The following CAMK4 variants were observed in gnomAD, a reference collection of about 807,000 sequenced individuals.
CAMK4 encodes the protein calcium/calmodulin-dependent protein kinase type IV.
CAMK4 carries 22 observed loss-of-function variants against 44.9 expected under a neutral mutation model. The observed-to-expected ratio is 0.49, with a 90% CI of 0.35 to 0.70. The LOEUF (loss-of-function observed/expected upper bound fraction) is 0.70. Ranked by LOEUF, CAMK4 falls within the 30% of genes least tolerant of loss-of-function variation. The pLI is 0.01. For missense variants in CAMK4, 498 were observed against 586.8 expected (o/e 0.85, Z 1.56); for synonymous variants, 218 against 215.4 (o/e 1.01, Z -0.11).
chr5:111,345,016 T>C (rs1239002106), intron 2 of CAMK4, among the ~76,000 whole-genome samples: 1 of 151,904 alleles, frequency 6.6e-6, no homozygotes, highest in Non-Finnish European at 1.5e-5. Flanking sequence ...TAAAGTATGC[T>C]GAGAAGTATC....
chr5:111,226,724 C>T lies in CAMK4; in HGVS notation c.161+2080C>T, dbSNP rs562070614. Among the ~76,000 whole-genome samples the T allele has an allele frequency of 3.2e-4, 48 of 152,314 alleles. 1 individual carries two copies. The highest frequency in any genetic ancestry group is 1.1e-3 in the African/African-American group (47 of 41,556). ...GACAACAGAGAACACTCTAGAGTTC[C>T]GGTTGTTTACCCTCCTGTGGTTAAC... is the stretch of plus-strand genomic sequence containing the variant. On this transcript the variant is annotated intron_variant, in intron 1 of 10. Coordinates refer to ENST00000282356, the MANE Select transcript of CAMK4 (RefSeq NM_001744.6).
intron 1 of CAMK4, among the ~76,000 whole-genome samples, chr5:111,235,729 A>G (rs544994836): frequency 1.3e-5 from 2 of 152,338 alleles, no homozygotes; most frequent in South Asian, 4.1e-4. Context: ...GGACTGAGCT[A>G]AGGGCTGTTG....
intron 5 of CAMK4, 57 bp downstream of exon 5, chr5:111,394,839 A>G: frequency 9.3e-7 from 1 of 1,078,744 alleles, no homozygotes; most frequent in Admixed American, 1.8e-5. Flanking sequence ...CTTTTACAGA[A>G]TCATCATTTA....
intron 1 of CAMK4, among the ~76,000 whole-genome samples, chr5:111,316,252 GA>G (rs1748418172): frequency 6.6e-6 from 1 of 152,244 alleles, no homozygotes; most frequent in South Asian, 2.1e-4. Flanking sequence ...GTCCCCTAGG[GA>G]GGATAAAGGA....
intron 8 of CAMK4, among the ~76,000 whole-genome samples, chr5:111,478,000 T>G (rs1234639845): frequency 2.0e-5 from 3 of 152,124 alleles, no homozygotes; most frequent in East Asian, 3.8e-4. Context: ...TGCCTGTCTG[T>G]CTGTCTTCTC....
rs560739913 is a variant in CAMK4, at chr5:111,446,151, G to A, written c.460-535G>A. Among the ~76,000 whole-genome samples, 7 of 152,336 alleles carry A rather than the reference G, an allele frequency of 4.6e-5. No individual in the cohort carries two copies. The South Asian group carries it at 1.4e-3, about 32-fold the overall frequency. ...GTTAGATTTACTAATTCTCAGAAGA[G>A]CCTATGAGTGCATCCATCATTATCA... On this transcript the variant is annotated intron_variant, in intron 5 of 10. Coordinates refer to ENST00000282356, the MANE Select transcript of CAMK4 (RefSeq NM_001744.6).
At chr5:111,420,019 T>C (rs979220394) in intron 5 of CAMK4, among the ~76,000 whole-genome samples, 18 of 152,082 alleles carry the variant, frequency 1.2e-4, no homozygotes, top group African/African-American at 4.3e-4. Flanking sequence ...ATTGAATCTA[T>C]AAATTACCTT....
At chr5:111,232,111 A>G (rs569659777) in intron 1 of CAMK4, among the ~76,000 whole-genome samples, 41 of 152,300 alleles carry the variant, frequency 2.7e-4, no homozygotes, top group African/African-American at 9.6e-4. Context: ...AAGCTTTTCA[A>G]TAATTCTGAC....
At chr5:111,273,173 T>C (rs1750588353) in intron 1 of CAMK4, among the ~76,000 whole-genome samples, 2 of 152,184 alleles carry the variant, frequency 1.3e-5, no homozygotes, top group South Asian at 4.1e-4. Context: ...TGATTTCTCA[T>C]TAATTACTTT....
intron 5 of CAMK4, among the ~76,000 whole-genome samples, chr5:111,418,750 T>C (rs139131083): frequency 0.057 from 8,619 of 152,230 alleles, 315 homozygotes; most frequent in African/African-American, 0.099. Context: ...GTTTCATCCA[T>C]GTCCCTACAA....
intron 1 of CAMK4, among the ~76,000 whole-genome samples, chr5:111,278,727 C>T (rs1204041094): frequency 6.6e-6 from 1 of 152,128 alleles, no homozygotes; most frequent in Non-Finnish European, 1.5e-5. Flanking sequence ...ATTTTCTAAG[C>T]AAGGCTTACC....
rs905391138 is a variant in CAMK4 at position 111,486,571 on chromosome 5, G to A, written c.*2105G>A. ...TTGGAAGAGCAAAGAGAGGGAAGGG[G>A]GTCTTTTTAGAAAGTGGCACTTGGC... On this transcript the variant is annotated 3_prime_UTR_variant, in exon 11 of 11. Coordinates refer to ENST00000282356, the MANE Select transcript of CAMK4 (RefSeq NM_001744.6). The A allele has an allele frequency of 6.6e-6, 1 of 150,944 alleles. No individual in the cohort carries two copies. Among genetic ancestry groups the A allele is most frequent in the Non-Finnish European group, 1.5e-5 (1 of 68,054 alleles). The allele number at this position is 150,944 out of a possible 1,614,324, so 9.4% of individuals were successfully genotyped here.
intron 5 of CAMK4, among the ~76,000 whole-genome samples, chr5:111,420,376 C>A (rs1281939541): frequency 6.6e-6 from 1 of 152,010 alleles, no homozygotes; most frequent in Non-Finnish European, 1.5e-5. Context: ...ACAATCATGT[C>A]ATCTGCAAAC....
chr5:111,319,148 T>C (rs1359051651), intron 1 of CAMK4, among the ~76,000 whole-genome samples: 1 of 152,198 alleles, frequency 6.6e-6, no homozygotes, highest in Non-Finnish European at 1.5e-5. Flanking sequence ...CACAATTAAC[T>C]ACAATTCAAG....
At chr5:111,464,602 C>T (rs961688298) in intron 7 of CAMK4, among the ~76,000 whole-genome samples, 9 of 151,974 alleles carry the variant, frequency 5.9e-5, no homozygotes, top group Non-Finnish European at 8.8e-5. Context: ...AAGTGGGCAT[C>T]GAAAATGATT....
intron 5 of CAMK4, among the ~76,000 whole-genome samples, chr5:111,409,933 T>C (rs2112892715): frequency 6.6e-6 from 1 of 152,300 alleles, no homozygotes; most frequent in East Asian, 1.9e-4. Context: ...AACAAATTTC[T>C]AGGAAGCTCC....
intron 1 of CAMK4, among the ~76,000 whole-genome samples, chr5:111,276,503 G>C (rs139751969): frequency 0.016 from 2,374 of 152,274 alleles, 30 homozygotes; most frequent in Non-Finnish European, 0.02. Context: ...GAGTCCAGCA[G>C]GATCATTTGA....
chr5:111,401,383 G>A (rs1038502846), intron 5 of CAMK4, among the ~76,000 whole-genome samples: 3 of 152,230 alleles, frequency 2.0e-5, no homozygotes, highest in Admixed American at 1.3e-4. Flanking sequence ...GGAACTACAA[G>A]GAAATGGGTG....
chr5:111,376,875 A>G lies in CAMK4; in HGVS notation c.319A>G (p.Ile107Val), dbSNP rs767800747. 2.5e-6 allele frequency: 4 copies of G among 1,592,704 alleles called. No individual in the cohort carries two copies. In the South Asian group the frequency reaches 3.4e-5, roughly 13 times the overall value. ...CTTTCCCTAGATAAAACTTAAAGAG[A>G]TATTTGAAACCCCTACAGAAATCAG... The part of the protein sequence containing the change: ...SHPNIIKLKE[I>V]FETPTEISLV... The change falls in exon 4 of 11, where the codon ATA (isoleucine) becomes GTA (valine). Residue 107 changes from isoleucine to valine, a missense_variant. Ile to Val is a conservative substitution (Grantham distance 29). This residue lies in a region of CAMK4 where 152 missense variants were observed against 143.7 expected (regional missense o/e 1.06). Transcript: ENST00000282356.
Sources: allele counts gnomAD v4.1 joint callset (sites outside exome capture counted in the v4.1 genomes callset), GRCh38; gene constraint gnomAD v4.1.1; regional missense constraint gnomAD v4.1.1; transcripts MANE v1.5; gene names NCBI Gene and HGNC (gene_info 2026-07-23, HGNC 2026-07-21).